The following MSRA variants were observed in gnomAD, a reference collection of about 807,000 sequenced individuals.
MSRA encodes mitochondrial peptide methionine sulfoxide reductase.
Under a neutral mutation model 31.3 loss-of-function variants are expected in MSRA, and 54 were observed. That is an observed-to-expected ratio of 1.73 (90% confidence interval 1.39 to 2.17). MSRA has a LOEUF of 2.17. MSRA is among the 30% of genes most tolerant of loss of function. The pLI, the probability that MSRA is intolerant of heterozygous loss-of-function variation, is 0.00. For synonymous variants in MSRA, 169 were observed against 116.5 expected (o/e 1.45, Z -2.90); for missense variants, 507 against 300.9 (o/e 1.69, Z -5.07).
rs1806589366 is a variant in MSRA, at chr8:10,389,331, G to T, written c.544-38817G>T. 2.0e-5 allele frequency among the ~76,000 whole-genome samples: 3 copies of T among 152,188 alleles called. No homozygotes were observed. The South Asian group carries it at 6.2e-4, about 32-fold the overall frequency. On this transcript the variant is annotated intron_variant, in intron 5 of 5. Transcript: ENST00000317173. ...GGAAGGATTTTAGATGATTTTTGAG[G>T]CATGGTGAGAAGCTTTGATAAAACA...
At chr8:10,237,061 A>G (rs1812005478) in intron 2 of MSRA, among the ~76,000 whole-genome samples, 1 of 152,202 alleles carries the variant, frequency 6.6e-6, no homozygotes, top group African/African-American at 2.4e-5. Context: ...CTAGAATAAA[A>G]TATGAGTTAT....
At chr8:10,357,901 C>T (rs564444799) in intron 5 of MSRA, among the ~76,000 whole-genome samples, 3 of 152,278 alleles carry the variant, frequency 2.0e-5, no homozygotes, top group Admixed American at 2.0e-4. Context: ...GCATTTGTAT[C>T]TCCTTTCTTC....
chr8:10,057,123 G>A (rs149848969), intron 1 of MSRA, among the ~76,000 whole-genome samples: 2,363 of 152,256 alleles, frequency 0.016, 24 homozygotes, highest in Non-Finnish European at 0.021. Flanking sequence ...TTTATCCCAG[G>A]CTACCTAAAA....
intron 1 of MSRA, among the ~76,000 whole-genome samples, chr8:10,159,587 A>G (rs1305086967): frequency 6.6e-6 from 1 of 152,224 alleles, no homozygotes; most frequent in Non-Finnish European, 1.5e-5. Flanking sequence ...CCTTCACTTT[A>G]TTGAAATTTG....
intron 1 of MSRA, among the ~76,000 whole-genome samples, chr8:10,188,554 C>G (rs1807246175): frequency 6.6e-6 from 1 of 152,202 alleles, no homozygotes; most frequent in Non-Finnish European, 1.5e-5. Flanking sequence ...ACATTTATAG[C>G]TACGATCCAT....
chr8:10,095,523 C>T, intron 1 of MSRA: 1 of 985,364 alleles, frequency 1.0e-6, no homozygotes, highest in Non-Finnish European at 1.2e-6. Flanking sequence ...GCCAAGACTG[C>T]TCGGAAGGTT....
intron 3 of MSRA, among the ~76,000 whole-genome samples, chr8:10,286,891 G>A (rs1799966404): frequency 6.6e-6 from 1 of 152,250 alleles, no homozygotes; most frequent in African/African-American, 2.4e-5. Context: ...GCACACACGT[G>A]TATAATGTAA....
intron 1 of MSRA, among the ~76,000 whole-genome samples, chr8:10,184,848 C>G (rs1365808344): frequency 6.6e-6 from 1 of 152,188 alleles, no homozygotes; most frequent in East Asian, 1.9e-4. Context: ...CACTCCAAAT[C>G]CAGCACTCAC....
chr8:10,426,773 CAT>C (rs1343675898), intron 5 of MSRA, among the ~76,000 whole-genome samples: 17 of 152,344 alleles, frequency 1.1e-4, no homozygotes, highest in South Asian at 2.1e-4. Context: ...CTAAAATTAA[CAT>C]GTGTGAAGTC....
chr8:10,057,950 G>A (rs750059869), intron 1 of MSRA, among the ~76,000 whole-genome samples: 9 of 152,286 alleles, frequency 5.9e-5, no homozygotes, highest in South Asian at 2.1e-4. Context: ...TTGTTTTTGC[G>A]TATTGGAAAC....
chr8:10,324,799 G>C (rs550281631), intron 5 of MSRA, among the ~76,000 whole-genome samples: 5 of 152,196 alleles, frequency 3.3e-5, no homozygotes, highest in Non-Finnish European at 7.3e-5. Context: ...CCTGCCACTG[G>C]TAACTGGTTG....
intron 5 of MSRA, among the ~76,000 whole-genome samples, chr8:10,366,076 G>A (rs554923221): frequency 6.6e-6 from 1 of 152,212 alleles, no homozygotes; most frequent in Non-Finnish European, 1.5e-5. Context: ...GACACCTGGG[G>A]GCCTGTGATG....
chr8:10,362,647 C>A (rs1166785528), intron 5 of MSRA, among the ~76,000 whole-genome samples: 1 of 152,018 alleles, frequency 6.6e-6, no homozygotes, highest in Non-Finnish European at 1.5e-5. Context: ...ACCCGTTGTC[C>A]CTGCTCCCCC....
intron 1 of MSRA, among the ~76,000 whole-genome samples, chr8:10,099,941 G>C (rs757931153): frequency 6.6e-6 from 1 of 152,192 alleles, no homozygotes; most frequent in Non-Finnish European, 1.5e-5. Flanking sequence ...GGCCAGTGGA[G>C]TGCCCAGTGA....
chr8:10,260,581 T>G (rs907159283), intron 3 of MSRA, among the ~76,000 whole-genome samples: 5 of 152,116 alleles, frequency 3.3e-5, no homozygotes, highest in Non-Finnish European at 7.4e-5. Flanking sequence ...GGACCACAAA[T>G]GCCTGCTAGG....
chr8:10,082,889 G>T (rs957855396), intron 1 of MSRA, among the ~76,000 whole-genome samples: 7 of 152,182 alleles, frequency 4.6e-5, no homozygotes, highest in Admixed American at 3.3e-4. Context: ...AATATTTACC[G>T]AACGACTAGA....
chr8:10,333,630 G>C (rs1802838079), intron 5 of MSRA, among the ~76,000 whole-genome samples: 1 of 152,184 alleles, frequency 6.6e-6, no homozygotes, highest in Non-Finnish European at 1.5e-5. Flanking sequence ...ATGATATGGT[G>C]TATATGTAAA....
intron 2 of MSRA, among the ~76,000 whole-genome samples, chr8:10,215,158 T>G (rs1260596611): frequency 6.6e-6 from 1 of 152,162 alleles, no homozygotes; most frequent in Non-Finnish European, 1.5e-5. Flanking sequence ...TAGAGATCAC[T>G]TATCCATGAA....
At chr8:10,365,023 C>T (rs536560236) in intron 5 of MSRA, among the ~76,000 whole-genome samples, 2 of 152,150 alleles carry the variant, frequency 1.3e-5, no homozygotes, top group South Asian at 2.1e-4. Context: ...TCTGCTTTGT[C>T]CCCACCTTTG....
Sources: allele counts gnomAD v4.1 joint callset (sites outside exome capture counted in the v4.1 genomes callset), GRCh38; gene constraint gnomAD v4.1.1; transcripts MANE v1.5; gene names NCBI Gene and HGNC (gene_info 2026-07-23, HGNC 2026-07-21).